Variants in DGKZ observed in about 807,000 individuals in gnomAD.
DGKZ encodes diacylglycerol kinase zeta.
In DGKZ, 45 loss-of-function variants were observed where a neutral mutation model predicts 142.5. The observed-to-expected ratio is 0.32, with a 90% CI of 0.25 to 0.40. The LOEUF is 0.40. DGKZ is among the 10% of genes least tolerant of loss of function. The probability of loss-of-function intolerance (pLI) is 1.00; values close to 1 mark genes in which losing one functional copy is unlikely to be tolerated. For synonymous variants in DGKZ, 442 were observed against 527.0 expected, an observed-to-expected ratio of 0.84 and a Z score of 2.21; for missense variants, 755 against 1,306.5, an observed-to-expected ratio of 0.58 and a Z score of 6.51.
At chr11:46,336,053 GA>G (rs1221260330) in intron 1 of DGKZ, among the ~76,000 whole-genome samples, 2 of 152,244 alleles carry the variant, frequency 1.3e-5, no homozygotes, top group Non-Finnish European at 2.9e-5. Context: ...TTTCCAGAGC[GA>G]AAAGGCTTTT....
At chr11:46,346,186 GC>G (rs1277283588), upstream of DGKZ, among the ~76,000 whole-genome samples, 1 of 152,232 alleles carries the variant, frequency 6.6e-6, no homozygotes, top group Admixed American at 6.5e-5. Context: ...GCAGGTCACA[GC>G]CCTAAGCATT....
At chr11:46,375,555 A>G in exon 20 of DGKZ, 2 of 1,592,090 alleles carry the variant, frequency 1.3e-6, no homozygotes, top group Non-Finnish European at 1.7e-6. Flanking sequence ...AGCCTCACGC[A>G]TCCGCATCGC....
Position 46,367,314 on chromosome 11 carries a change from T to A in DGKZ, c.185T>A (p.Leu62His), listed in dbSNP as rs1482460773. 6 of 1,612,354 alleles carry A rather than the reference T, an allele frequency of 3.7e-6. No individual in the cohort carries two copies. The highest frequency in any genetic ancestry group is 1.3e-5 in the African/African-American group (1 of 74,868). Residue 62 changes from leucine to histidine, a missense_variant, in exon 2 of 31, where the codon CTC becomes CAC. Physicochemically the swap from Leu to His is moderately conservative, Grantham distance 99 (BLOSUM62 -3). This residue lies in a region of DGKZ where 81 missense variants were observed against 86.5 expected (regional missense o/e 0.94). Coordinates refer to ENST00000527911, the Ensembl canonical transcript of DGKZ. The surrounding 1 kb of genome is among the most constrained non-coding windows in gnomAD (Gnocchi z 4.1). ...AGGAAAGCCATCACCAAGTCGGGCC[T>A]CCAGCACCTGGCCCCCCCTCCGCCC...
chr11:46,375,630 G>A (rs570403825), exon 20 of DGKZ: 11 of 1,560,496 alleles, frequency 7.0e-6, no homozygotes, highest in African/African-American at 5.4e-5. Flanking sequence ...CCTGCACAGC[G>A]AGTACGTCCC....
At chr11:46,371,199 C>A in intron 6 of DGKZ, 114 bp from the exon 7 acceptor site, 1 of 1,030,732 alleles carries the variant, frequency 9.7e-7, no homozygotes, top group Non-Finnish European at 1.5e-6. Context: ...TGAGACCAGC[C>A]TGGGCAACAT....
intron 1 of DGKZ, chr11:46,361,760 G>A (rs1942678141): frequency 1.2e-6 from 1 of 834,064 alleles, no homozygotes; most frequent in Non-Finnish European, 1.4e-6. Flanking sequence ...CTCTGTATCT[G>A]GCTGGGTGGG....
intron 1 of DGKZ, among the ~76,000 whole-genome samples, chr11:46,360,615 G>A (rs1466495638): frequency 1.3e-5 from 2 of 151,942 alleles, no homozygotes; most frequent in African/African-American, 2.4e-5. Context: ...GTGAAACCCC[G>A]TCTCTACTAA....
rs1170491363 is a variant in DGKZ at position 46,366,885 on chromosome 11, G to T, written c.162-406G>T. On this transcript the variant is annotated intron_variant, in intron 1 of 30. Coordinates refer to ENST00000527911, the Ensembl canonical transcript of DGKZ. ...CGAAGAGCCTCAGGCACCACCGCCG[G>T]CACCATGCTGCCCACCCGTGTGCGC... The T allele has an allele frequency of 5.8e-6, 9 of 1,548,726 alleles. No individual in the cohort carries two copies. The Admixed American group carries it at 1.7e-4, about 29-fold the overall frequency.
intron 1 of DGKZ, among the ~76,000 whole-genome samples, chr11:46,335,906 C>G (rs1293117607): frequency 1.3e-5 from 2 of 152,188 alleles, no homozygotes; most frequent in African/African-American, 4.8e-5. Context: ...GACTGGGGGA[C>G]CGGGGGCTGG....
Position 46,372,956 on chromosome 11 carries a change from C to T in DGKZ, c.1186-5C>T. On this transcript the variant is annotated splice_polypyrimidine_tract_variant and splice_region_variant and intron_variant, in intron 13 of 30. Coordinates refer to ENST00000527911, the Ensembl canonical transcript of DGKZ. This position sits in a 1 kb window ranked among gnomAD's most constrained non-coding sequence, Gnocchi z 5.9. ...AGAGGGCTCAGTCCCTGCCTGCTCC[C>T]CCAGGGCTACACAGATGAGCCTGTG... 1.3e-6 allele frequency: 2 copies of T among 1,549,648 alleles called. No individual in the cohort carries two copies. The highest frequency in any genetic ancestry group is 2.4e-5 in the South Asian group (2 of 84,186).
At chr11:46,376,991 C>T in intron 24 of DGKZ, 82 bp from the exon 25 acceptor site, 5 of 1,284,186 alleles carry the variant, frequency 3.9e-6, no homozygotes, top group South Asian at 1.3e-5. Flanking sequence ...ATGGCAGAGG[C>T]TTCTCCAGGT....
intron 14 of DGKZ, among the ~76,000 whole-genome samples, chr11:46,373,729 C>T (rs1264710399): frequency 6.6e-6 from 1 of 152,154 alleles, no homozygotes; most frequent in Non-Finnish European, 1.5e-5. Flanking sequence ...AACTCCTGAC[C>T]TCAGGTGATC....
chr11:46,366,572 G>A (rs1188279304), intron 1 of DGKZ: 1 of 1,605,810 alleles, frequency 6.2e-7, no homozygotes, highest in Non-Finnish European at 8.5e-7. Context: ...GCTTCTGGGT[G>A]CACCCCTGCT....
chr11:46,377,009 C>G, intron 24 of DGKZ, 64 bp from the exon 25 acceptor site: 1 of 1,455,662 alleles, frequency 6.9e-7, no homozygotes, highest in South Asian at 1.2e-5. Flanking sequence ...GGTCTACCAG[C>G]CTTGCTGCCC....
intron 1 of DGKZ, among the ~76,000 whole-genome samples, chr11:46,351,118 ACT>A (rs150355005): frequency 4.7e-4 from 71 of 150,476 alleles, no homozygotes; most frequent in Non-Finnish European, 8.6e-4. Flanking sequence ...AGAGAAGTGG[ACT>A]CTCTCTCCTC....
At chr11:46,368,349 C>T in intron 4 of DGKZ, 1 of 493,626 alleles carries the variant, frequency 2.0e-6, no homozygotes, top group East Asian at 4.2e-5. Flanking sequence ...AATGGTGGCC[C>T]TTGTACCATT....
Position 46,373,095 on chromosome 11 carries a change from C to T in DGKZ, c.1320C>T (p.Thr440=), listed in dbSNP as rs538341725. ...CTGAGGACCGAGATGAAGGCGCCAC[C>T]GACCGGGTAAGTTGGCCAGGGTTGG... Residue 440 remains threonine, a synonymous_variant, in exon 14 of 31, where the codon ACC becomes ACT. Coordinates refer to ENST00000527911, the Ensembl canonical transcript of DGKZ. 2.7e-5 allele frequency: 42 copies of T among 1,543,352 alleles called. No homozygotes were observed. In the Middle Eastern group the frequency reaches 1.0e-3, roughly 38 times the overall value.
At chr11:46,371,889 G>GCTCTGGGGC (rs1261426905) in intron 9 of DGKZ, 114 bp downstream of exon 9, 2 of 1,356,644 alleles carry the variant, frequency 1.5e-6, no homozygotes, top group Admixed American at 4.0e-5. Flanking sequence ...GTCTGTGTGG[G>GCTCTGGGGC]CTCTGGGGCC....
chr11:46,375,366 G>A (rs924708612), intron 19 of DGKZ, 66 bp from the exon 20 acceptor site: 5 of 1,484,426 alleles, frequency 3.4e-6, no homozygotes, highest in African/African-American at 2.8e-5. Flanking sequence ...TTCGGAAGGA[G>A]CAGAGTCTGG....
Sources: allele counts gnomAD v4.1 joint callset (sites outside exome capture counted in the v4.1 genomes callset), GRCh38; gene constraint gnomAD v4.1.1; regional missense constraint gnomAD v4.1.1; non-coding constraint Gnocchi (gnomAD v3.1); transcripts MANE v1.5; gene names NCBI Gene and HGNC (gene_info 2026-07-23, HGNC 2026-07-21).